KPNA3: variants seen among roughly 807,000 people sequenced by gnomAD.
KPNA3 encodes the protein importin subunit alpha-4.
In KPNA3, 13 loss-of-function variants were observed where a neutral mutation model predicts 73.8. The observed-to-expected ratio is 0.18, with a 90% CI of 0.11 to 0.28. The LOEUF (loss-of-function observed/expected upper bound fraction) is 0.28. KPNA3 is among the 10% of genes least tolerant of loss of function. The pLI, the probability that KPNA3 is intolerant of heterozygous loss-of-function variation, is 1.00. For missense variants in KPNA3, 360 were observed against 618.1 expected (o/e 0.58, Z 4.43); for synonymous variants, 186 against 206.9 (o/e 0.90, Z 0.87).
intron 1 of KPNA3, among the ~76,000 whole-genome samples, chr13:49,772,845 G>A (rs981167759): frequency 6.6e-6 from 1 of 152,058 alleles, no homozygotes; most frequent in East Asian, 1.9e-4. Flanking sequence ...ATATGACCCA[G>A]CCACTCTGTT....
At chr13:49,779,097 AT>A (rs5803484) in intron 1 of KPNA3, among the ~76,000 whole-genome samples, 23,848 of 146,804 alleles carry the variant, frequency 0.16, 2,907 homozygotes, top group East Asian at 0.57. Context: ...TGCTAGTTCC[AT>A]TTTTTTTTTT....
chr13:49,762,426 G>A (rs991197482), intron 1 of KPNA3, among the ~76,000 whole-genome samples: 3 of 152,214 alleles, frequency 2.0e-5, no homozygotes, highest in Non-Finnish European at 4.4e-5. Context: ...AATAGAAAAG[G>A]GGGAAATGTG....
chr13:49,762,234 G>A (rs1027995165), intron 1 of KPNA3, among the ~76,000 whole-genome samples: 2 of 146,742 alleles, frequency 1.4e-5, no homozygotes, highest in African/African-American at 5.0e-5. Flanking sequence ...CCGCCCCGTC[G>A]CGGAGGGAGG....
intron 1 of KPNA3, among the ~76,000 whole-genome samples, chr13:49,791,722 G>T (rs1039837957): frequency 2.0e-5 from 3 of 152,170 alleles, no homozygotes; most frequent in Non-Finnish European, 4.4e-5. Flanking sequence ...TCCGAAGCCT[G>T]AACACAATAG....
intron 1 of KPNA3, among the ~76,000 whole-genome samples, chr13:49,773,752 T>C (rs945745531): frequency 2.0e-5 from 3 of 152,190 alleles, no homozygotes; most frequent in African/African-American, 7.2e-5. Context: ...TGAAGTCTAC[T>C]AGGCAGAAGA....
At chr13:49,730,128 A>G (rs965062568) in intron 6 of KPNA3, among the ~76,000 whole-genome samples, 2 of 152,208 alleles carry the variant, frequency 1.3e-5, no homozygotes, top group South Asian at 2.1e-4. Context: ...ATATTTTAGC[A>G]TATTTTTCTG....
At chr13:49,768,306 A>G (rs1179014228) in intron 1 of KPNA3, among the ~76,000 whole-genome samples, 1 of 151,058 alleles carries the variant, frequency 6.6e-6, no homozygotes, top group Non-Finnish European at 1.5e-5. Flanking sequence ...AAGCTGCTAC[A>G]TAGAAGCCAA....
At position 49,765,239 on chromosome 13, in the gene KPNA3, T is replaced by C. The variant is rs557074579; in HGVS notation, c.70-18246A>G. ...ATATGTAACTTTTCAATGTTATAAA[T>C]AGAATACATGTAAGGGAAAATCTAG... On this transcript the variant is annotated intron_variant, in intron 1 of 16. Coordinates refer to ENST00000261667, the MANE Select transcript of KPNA3 (RefSeq NM_002267.4). 1.7e-4 allele frequency among the ~76,000 whole-genome samples: 26 copies of C among 152,344 alleles called. No individual in the cohort carries two copies. The South Asian group carries it at 4.3e-3, about 25-fold the overall frequency.
At position 49,704,434 on chromosome 13, in the gene KPNA3, AAAATAAATAAATAAAT is replaced by A. The variant is rs58331212; in HGVS notation, c.1372+1171_1372+1186del. 9.2e-3 allele frequency among the ~76,000 whole-genome samples: 1,200 copies of A among 130,944 alleles called. 23 individuals are homozygous for A. The highest frequency in any genetic ancestry group is 0.031 in the African/African-American group (1,099 of 35,458). 85.9% of individuals were successfully genotyped at this position (130,944 alleles called of 152,430 possible). A position where few individuals can be genotyped will look rare whatever the true frequency, so the allele number is the denominator to read the frequency against. On this transcript the variant is annotated intron_variant, in intron 15 of 16. Transcript: ENST00000261667. ...TCTCAAAAAAAAAATAAATAAATAA[AAAATAAATAAATAAAT>A]AAATAAATAAATAAATAAATAAATA...
At chr13:49,734,946 GAGATAGAT>G (rs1197576604) in intron 2 of KPNA3, among the ~76,000 whole-genome samples, 2 of 115,442 alleles carry the variant, frequency 1.7e-5, no homozygotes, top group African/African-American at 6.1e-5. Context: ...TATAGAGAGA[GAGATAGAT>G]AGAGAGAGAG....
rs61693878 is a variant in KPNA3 at position 49,716,007 on chromosome 13, A to ATT, written c.771+3766_771+3767dup. 5.3e-4 allele frequency among the ~76,000 whole-genome samples: 81 copies of ATT among 151,506 alleles called. 1 individual carries two copies. The highest frequency in any genetic ancestry group is 1.6e-3 in the African/African-American group (67 of 41,296). On this transcript the variant is annotated intron_variant, in intron 10 of 16. Transcript: ENST00000261667. ...TGGTCACTACTATTAGCAGAAAACT[A>ATT]TTTTTTTTTCTAACTAATATAATAA...
intron 1 of KPNA3, among the ~76,000 whole-genome samples, chr13:49,780,188 C>T (rs1954929686): frequency 6.6e-6 from 1 of 152,100 alleles, no homozygotes; most frequent in Non-Finnish European, 1.5e-5. Context: ...TCTAGACCCC[C>T]AACTGATTTC....
chr13:49,707,019 G>A (rs1392606401), intron 12 of KPNA3, among the ~76,000 whole-genome samples: 1 of 152,122 alleles, frequency 6.6e-6, no homozygotes, highest in Non-Finnish European at 1.5e-5. Context: ...AAAGTGCTGA[G>A]ATTACAGGCA....
At position 49,732,473 on chromosome 13, in the gene KPNA3, A is replaced by G; in HGVS notation, c.288-7T>C. The G allele has an allele frequency of 6.4e-7, 1 of 1,552,316 alleles. No individual in the cohort carries two copies. The highest frequency in any genetic ancestry group is 1.4e-5 in the African/African-American group (1 of 73,032). ...GTCACTGGATAACAGTTTTCTAGGA[A>G]AATAAATATGAGAAATTAATTGCTA... On this transcript the variant is annotated splice_region_variant and splice_polypyrimidine_tract_variant and intron_variant, in intron 5 of 16. Coordinates refer to ENST00000261667, the MANE Select transcript of KPNA3 (RefSeq NM_002267.4).
intron 1 of KPNA3, among the ~76,000 whole-genome samples, chr13:49,772,503 A>T (rs1954863514): frequency 6.6e-6 from 1 of 152,196 alleles, no homozygotes; most frequent in Non-Finnish European, 1.5e-5. Flanking sequence ...AGAATTTCAA[A>T]GTTTCTAAAT....
At chr13:49,754,114 G>A (rs181339683) in intron 1 of KPNA3, among the ~76,000 whole-genome samples, 4 of 152,042 alleles carry the variant, frequency 2.6e-5, no homozygotes, top group Non-Finnish European at 5.9e-5. Context: ...TTGGCCAACA[G>A]GGTGAAGCCT....
chr13:49,784,146 C>T (rs770968574), intron 1 of KPNA3, among the ~76,000 whole-genome samples: 9 of 152,088 alleles, frequency 5.9e-5, no homozygotes, highest in Admixed American at 2.0e-4. Flanking sequence ...CTACTCAAGA[C>T]GCTGAGGCAG....
intron 15 of KPNA3, among the ~76,000 whole-genome samples, chr13:49,702,830 C>T (rs1954160056): frequency 6.6e-6 from 1 of 152,176 alleles, no homozygotes. Context: ...GTACTAGAAC[C>T]AACTCCCCCA....
chr13:49,715,919 T>C (rs1046090018), intron 10 of KPNA3, among the ~76,000 whole-genome samples: 7 of 152,246 alleles, frequency 4.6e-5, no homozygotes, highest in Non-Finnish European at 8.8e-5. Context: ...TTAAATAAAC[T>C]GTGTCCACAA....
Sources: allele counts gnomAD v4.1 joint callset (sites outside exome capture counted in the v4.1 genomes callset), GRCh38; gene constraint gnomAD v4.1.1; transcripts MANE v1.5; gene names NCBI Gene and HGNC (gene_info 2026-07-23, HGNC 2026-07-21).